The following POLH variants were observed in gnomAD, a reference collection of about 807,000 sequenced individuals.
POLH encodes the protein DNA polymerase eta.
A neutral mutation model predicts 73.6 loss-of-function variants in POLH; 53 were observed. The observed-to-expected ratio is 0.72, with a 90% CI of 0.58 to 0.91. The LOEUF is 0.91. POLH is among the 40% of genes least tolerant of loss of function. The pLI, the probability that POLH is intolerant of heterozygous loss-of-function variation, is 0.00. For synonymous variants in POLH, 292 were observed against 308.5 expected (o/e 0.95, Z 0.56); for missense variants, 768 against 865.4 (o/e 0.89, Z 1.41).
At chr6:43,585,853 A>G (rs1384463622) in intron 3 of POLH, among the ~76,000 whole-genome samples, 1 of 151,716 alleles carries the variant, frequency 6.6e-6, no homozygotes, top group Non-Finnish European at 1.5e-5. Context: ...CATGTTGGTC[A>G]GGCTGGTCTC....
At chr6:43,582,932 C>T in intron 2 of POLH, 75 bp from the exon 3 acceptor site, 2 of 1,253,726 alleles carry the variant, frequency 1.6e-6, no homozygotes, top group Non-Finnish European at 2.3e-6. Context: ...TTATAGATTA[C>T]TTGTGTTAAA....
At chr6:43,583,270 T>C (rs993036542) in intron 3 of POLH, 129 bp downstream of exon 3, 21 of 804,696 alleles carry the variant, frequency 2.6e-5, no homozygotes, top group Non-Finnish European at 4.1e-6. Context: ...GTTAGCCATC[T>C]TGTCTCTGTG....
chr6:43,581,701 C>T (rs1764258817), intron 1 of POLH, among the ~76,000 whole-genome samples: 1 of 145,680 alleles, frequency 6.9e-6, no homozygotes, highest in Non-Finnish European at 1.5e-5. Context: ...CGGTCGGTCG[C>T]GGCAGCGGCT....
intron 10 of POLH, among the ~76,000 whole-genome samples, chr6:43,611,835 C>A (rs565969897): frequency 6.6e-6 from 1 of 152,192 alleles, no homozygotes; most frequent in African/African-American, 2.4e-5. Flanking sequence ...GCAGGCAGAT[C>A]ACCTGAGGTC....
rs1199951818 is a variant in POLH, at chr6:43,617,744, A to G, written c.*3187A>G. Among the ~76,000 whole-genome samples the G allele has an allele frequency of 6.6e-6, 1 of 152,152 alleles. No individual in the cohort carries two copies. The highest frequency in any genetic ancestry group is 2.4e-5 in the African/African-American group (1 of 41,432). On this transcript the variant is annotated 3_prime_UTR_variant, in exon 11 of 11. Transcript: ENST00000372236. ...AGAGATCAAGGCCATCCTGGCCAACATGGTGAAACCCCGTCTCTACTGAAA... is the reference window on the plus strand; with the variant it reads ...AGAGATCAAGGCCATCCTGGCCAACGTGGTGAAACCCCGTCTCTACTGAAA...
intron 10 of POLH, among the ~76,000 whole-genome samples, chr6:43,611,777 C>T (rs138821750): frequency 2.8e-4 from 42 of 152,094 alleles, no homozygotes; most frequent in East Asian, 2.1e-3. Context: ...TTCATAGGGC[C>T]GGGCGCGGTG....
intron 4 of POLH, among the ~76,000 whole-genome samples, chr6:43,589,973 A>T (rs74707276): frequency 6.6e-6 from 1 of 152,078 alleles, no homozygotes; most frequent in Non-Finnish European, 1.5e-5. Flanking sequence ...TCTAAAAAAA[A>T]TTGTGATATA....
intron 9 of POLH, 101 bp from the exon 10 acceptor site, chr6:43,610,453 T>C: frequency 1.1e-6 from 1 of 934,696 alleles, no homozygotes; most frequent in Non-Finnish European, 1.7e-6. Flanking sequence ...TCCAAACCAT[T>C]GTCACCCTGG....
At chr6:43,582,948 CT>C in intron 2 of POLH, 58 bp from the exon 3 acceptor site, 1 of 1,428,998 alleles carries the variant, frequency 7.0e-7, no homozygotes, top group Non-Finnish European at 9.8e-7. Flanking sequence ...TTAAATGTTA[CT>C]TGTTTTTGCT....
At position 43,617,085 on chromosome 6, in the gene POLH, G is replaced by T. The variant is rs1358659192; in HGVS notation, c.*2528G>T. ...GGTGCGTGTAATCCCAGCTAGTTGGGAGGCTGAGGCAGGAGAATCACTTGA... is the reference window on the plus strand; with the variant it reads ...GGTGCGTGTAATCCCAGCTAGTTGGTAGGCTGAGGCAGGAGAATCACTTGA... On this transcript the variant is annotated 3_prime_UTR_variant, in exon 11 of 11. Coordinates refer to ENST00000372236, the MANE Select transcript of POLH (RefSeq NM_006502.3). Among the ~76,000 whole-genome samples, 1 of 152,166 alleles carries T rather than the reference G, an allele frequency of 6.6e-6. No individual in the cohort carries two copies. Among genetic ancestry groups the T allele is most frequent in the Non-Finnish European group, 1.5e-5 (1 of 68,030 alleles).
chr6:43,590,011 T>C (rs1400024654), intron 4 of POLH, among the ~76,000 whole-genome samples: 3 of 152,170 alleles, frequency 2.0e-5, no homozygotes, highest in Non-Finnish European at 4.4e-5. Flanking sequence ...TAATAACATG[T>C]ACTTGAAGGT....
chr6:43,605,168 A>AG lies in POLH; in HGVS notation c.1009-85dup. On this transcript the variant is annotated intron_variant, in intron 8 of 10. Transcript: ENST00000372236. ...TCTTTGGTGCACAATTCTGTTTGGG[A>AG]GAAAAAAAAGAACAAATAACACCAT... 5.0e-6 allele frequency: 4 copies of AG among 799,122 alleles called. No individual in the cohort carries two copies. In the South Asian group the frequency reaches 5.8e-5, roughly 12 times the overall value. The allele number at this position is 799,122 out of a possible 1,614,324, so 49.5% of individuals were successfully genotyped here.
chr6:43,581,514 T>C (rs1764212197), intron 1 of POLH, among the ~76,000 whole-genome samples: 1 of 149,334 alleles, frequency 6.7e-6, no homozygotes, highest in Non-Finnish European at 1.5e-5. Context: ...GAGGCTGCAA[T>C]CTCGGCACTT....
At chr6:43,603,806 T>G in intron 6 of POLH, 86 bp from the exon 7 acceptor site, 1 of 1,336,118 alleles carries the variant, frequency 7.5e-7, no homozygotes. Flanking sequence ...TTTGGAGAGC[T>G]GTTTACAAAG....
chr6:43,590,539 G>A (rs1325761160), intron 4 of POLH, among the ~76,000 whole-genome samples: 3 of 151,372 alleles, frequency 2.0e-5, no homozygotes, highest in African/African-American at 7.3e-5. Flanking sequence ...TCGGCTCATT[G>A]TAACCTCTGC....
chr6:43,588,575 C>T (rs1385605214), intron 4 of POLH: 1 of 152,216 alleles, frequency 6.6e-6, no homozygotes, highest in African/African-American at 2.4e-5. Context: ...CCCCAGCCTC[C>T]CAAGTAGCTG....
chr6:43,580,061 C>T (rs1264786232), intron 1 of POLH, among the ~76,000 whole-genome samples: 3 of 148,408 alleles, frequency 2.0e-5, no homozygotes, highest in Non-Finnish European at 3.0e-5. Context: ...CTGCGGCCTT[C>T]CGCAGTGTTT....
At chr6:43,587,084 T>C (rs1764904502) in intron 3 of POLH, among the ~76,000 whole-genome samples, 188 bp from the exon 4 acceptor site, 2 of 152,330 alleles carry the variant, frequency 1.3e-5, no homozygotes, top group South Asian at 4.1e-4. Context: ...TTCTTCCTTT[T>C]CCATGCTTCT....
At position 43,603,383 on chromosome 6, in the gene POLH, T is replaced by A. The variant is rs9462905; in HGVS notation, c.765-509T>A. On this transcript the variant is annotated intron_variant, in intron 6 of 10. Coordinates refer to ENST00000372236, the MANE Select transcript of POLH (RefSeq NM_006502.3). Reference sequence around the variant, plus strand: ...TGGGCTCAGGTGATCCACTCGCTTCTGCCTCCCAAGTGCTAGGACTACAGG... The same window carrying A: ...TGGGCTCAGGTGATCCACTCGCTTCAGCCTCCCAAGTGCTAGGACTACAGG... 2.6e-5 allele frequency among the ~76,000 whole-genome samples: 4 copies of A among 152,058 alleles called. No individual in the cohort carries two copies. The South Asian group carries it at 8.3e-4, about 32-fold the overall frequency.
Sources: allele counts gnomAD v4.1 joint callset (sites outside exome capture counted in the v4.1 genomes callset), GRCh38; gene constraint gnomAD v4.1.1; transcripts MANE v1.5; gene names NCBI Gene and HGNC (gene_info 2026-07-23, HGNC 2026-07-21).